The following FAM163A variants were observed in gnomAD, a reference collection of about 807,000 sequenced individuals.
FAM163A encodes the protein family with sequence similarity 163 member A, also known as protein FAM163A.
FAM163A carries 7 observed loss-of-function variants against 12.0 expected under a neutral mutation model. The ratio of observed to expected loss-of-function variants is 0.58; its 90% CI spans 0.33 to 1.10. The LOEUF (loss-of-function observed/expected upper bound fraction) is 1.10. Ranked by LOEUF, FAM163A falls within the 50% of genes least tolerant of loss-of-function variation. The pLI is 0.03. For synonymous variants in FAM163A, 101 were observed against 91.0 expected (o/e 1.11, Z -0.62); for missense variants, 202 against 218.6 (o/e 0.92, Z 0.48).
At chr1:179,766,040 G>C (rs1057363222) in intron 1 of FAM163A, among the ~76,000 whole-genome samples, 1 of 152,168 alleles carries the variant, frequency 6.6e-6, no homozygotes, top group Non-Finnish European at 1.5e-5. Context: ...CTGGGTTCCA[G>C]AAATAAGCCT....
chr1:179,808,412 G>C (rs1694249412), intron 2 of FAM163A, among the ~76,000 whole-genome samples: 1 of 152,230 alleles, frequency 6.6e-6, no homozygotes, highest in Non-Finnish European at 1.5e-5. Flanking sequence ...CAAGGTCTCA[G>C]CTGGGGTTGT....
At position 179,815,105 on chromosome 1, in the gene FAM163A, GCGCGCACAGACACACACACACACACACA is replaced by G. The variant is rs1338846631; in HGVS notation, c.*918_*945del. ...TTCCCAGGTGTACGCACGCGCGCGC[GCGCGCACAGACACACACACACACACACA>G]CACACACACACACACACAGTAACCA... is the stretch of plus-strand genomic sequence containing the variant. On this transcript the variant is annotated 3_prime_UTR_variant, in exon 5 of 5. Coordinates refer to ENST00000341785, the MANE Select transcript of FAM163A (RefSeq NM_173509.3). The G allele has an allele frequency of 4.7e-5, 4 of 85,284 alleles. No individual in the cohort carries two copies. Among genetic ancestry groups the G allele is most frequent in the African/African-American group, 2.0e-4 (4 of 20,254 alleles). The allele number at this position is 85,284 out of a possible 1,614,324, so 5.3% of individuals were successfully genotyped here.
At chr1:179,788,071 T>C (rs1211428146) in intron 1 of FAM163A, among the ~76,000 whole-genome samples, 1 of 152,184 alleles carries the variant, frequency 6.6e-6, no homozygotes, top group Non-Finnish European at 1.5e-5. Flanking sequence ...GTGATGTGTT[T>C]TTCAGGATTT....
chr1:179,786,601 G>C (rs1189528680), intron 1 of FAM163A, among the ~76,000 whole-genome samples: 6 of 152,206 alleles, frequency 3.9e-5, no homozygotes, highest in African/African-American at 1.4e-4. Context: ...TAAGCCCTCT[G>C]ACATAATTGT....
chr1:179,792,506 A>G (rs1691665459), intron 1 of FAM163A, among the ~76,000 whole-genome samples: 2 of 152,274 alleles, frequency 1.3e-5, no homozygotes, highest in African/African-American at 4.8e-5. Flanking sequence ...AATTAGTGCC[A>G]ATAAATAGTG....
At chr1:179,757,315 A>G (rs1419461874) in intron 1 of FAM163A, among the ~76,000 whole-genome samples, 1 of 152,224 alleles carries the variant, frequency 6.6e-6, no homozygotes, top group Non-Finnish European at 1.5e-5. Flanking sequence ...TGAAAGGAGA[A>G]GAAAGCAGGA....
At chr1:179,784,183 A>G (rs1331170167) in intron 1 of FAM163A, among the ~76,000 whole-genome samples, 1 of 152,182 alleles carries the variant, frequency 6.6e-6, no homozygotes. Context: ...CCCTCCACAC[A>G]TTATCATCTT....
chr1:179,813,945 C>G lies in FAM163A; in HGVS notation c.260C>G (p.Pro87Arg). 1.2e-6 allele frequency: 2 copies of G among 1,613,642 alleles called. 1 individual carries two copies. The highest frequency in any genetic ancestry group is 4.5e-5 in the East Asian group (2 of 44,880). The part of the protein sequence containing the change: ...APLTSEPCSQ[P>R]CGVAASHCTT... ...CTCACCAGCGAGCCCTGCAGCCAGC[C>G]CTGTGGGGTGGCCGCGAGCCACTGC... The change falls in exon 5 of 5, where the codon CCC becomes CGC. Residue 87 changes from proline (P) to arginine (R), a missense_variant. Coordinates refer to ENST00000341785, the MANE Select transcript of FAM163A (RefSeq NM_173509.3).
chr1:179,758,405 A>C (rs1686329019), intron 1 of FAM163A, among the ~76,000 whole-genome samples: 2 of 152,222 alleles, frequency 1.3e-5, no homozygotes. Context: ...GTGCTCAGAG[A>C]ACATGCTGAG....
chr1:179,813,255 G>A (rs758528399), intron 4 of FAM163A, 65 bp downstream of exon 4: 5 of 1,461,648 alleles, frequency 3.4e-6, no homozygotes, highest in South Asian at 1.2e-5. Context: ...TTCATTATGG[G>A]GGCAGAAACT....
chr1:179,788,257 C>G (rs1690929419), intron 1 of FAM163A, among the ~76,000 whole-genome samples: 2 of 152,234 alleles, frequency 1.3e-5, no homozygotes, highest in Admixed American at 1.3e-4. Flanking sequence ...GAATAATCCT[C>G]TCTCTTTCCC....
intron 1 of FAM163A, among the ~76,000 whole-genome samples, chr1:179,767,140 C>T (rs114406182): frequency 0.043 from 6,584 of 152,202 alleles, 221 homozygotes; most frequent in Admixed American, 0.1. Flanking sequence ...TATCAGGCAC[C>T]AAGACAATAT....
At position 179,814,396 on chromosome 1, in the gene FAM163A, G is replaced by A; in HGVS notation, c.*207G>A. 2 of 652,344 alleles carry A rather than the reference G, an allele frequency of 3.1e-6. No individual in the cohort carries two copies. Among genetic ancestry groups the A allele is most frequent in the Non-Finnish European group, 5.0e-6 (2 of 403,234 alleles). 40.4% of individuals were successfully genotyped at this position (652,344 alleles called of 1,614,324 possible). A position where few individuals can be genotyped will look rare whatever the true frequency, so the allele number is the denominator to read the frequency against. On this transcript the variant is annotated 3_prime_UTR_variant, in exon 5 of 5. Coordinates refer to ENST00000341785, the MANE Select transcript of FAM163A (RefSeq NM_173509.3). ...CTGGCTCCAACTCTGTGGGCCAGAGGTGGGGGACTGCTAGGTCGAGTCTGC... is the reference window on the plus strand; with the variant it reads ...CTGGCTCCAACTCTGTGGGCCAGAGATGGGGGACTGCTAGGTCGAGTCTGC...
intron 1 of FAM163A, among the ~76,000 whole-genome samples, chr1:179,778,347 A>G (rs956865779): frequency 2.0e-5 from 3 of 152,132 alleles, no homozygotes; most frequent in Non-Finnish European, 2.9e-5. Flanking sequence ...CCAAGGCCTT[A>G]CACAGCTGTG....
chr1:179,774,250 G>A (rs1688648394), intron 1 of FAM163A, among the ~76,000 whole-genome samples: 1 of 152,214 alleles, frequency 6.6e-6, no homozygotes, highest in Admixed American at 6.5e-5. Flanking sequence ...GTTGCCCTGA[G>A]GAGGGACAGG....
the FAM163A span, among the ~76,000 whole-genome samples, chr1:179,735,819 A>G: frequency 6.6e-6 from 1 of 152,038 alleles, no homozygotes; most frequent in Admixed American, 6.6e-5. Flanking sequence ...GCTACATTCT[A>G]AGACAGGGTG....
intron 2 of FAM163A, among the ~76,000 whole-genome samples, chr1:179,809,110 A>G (rs938906683): frequency 1.3e-5 from 2 of 152,106 alleles, no homozygotes; most frequent in Admixed American, 6.6e-5. Flanking sequence ...CTGTCTCAAA[A>G]AAAAATTTTT....
the FAM163A span, among the ~76,000 whole-genome samples, chr1:179,728,585 T>C: frequency 6.6e-6 from 1 of 152,200 alleles, no homozygotes; most frequent in African/African-American, 2.4e-5. Flanking sequence ...AGATGGGTTT[T>C]CTGGCATCTC....
intron 1 of FAM163A, among the ~76,000 whole-genome samples, chr1:179,777,094 C>T (rs1273288896): frequency 1.3e-5 from 2 of 152,204 alleles, no homozygotes; most frequent in East Asian, 1.9e-4. Flanking sequence ...GTATGAACCT[C>T]TCACAATTTT....
Sources: gnomAD v4.1 joint callset for allele counts (sites outside exome capture counted in the v4.1 genomes callset) on GRCh38, gnomAD v4.1.1 for gene constraint, MANE v1.5 for transcripts, NCBI Gene and HGNC (gene_info 2026-07-23, HGNC 2026-07-21) for gene names.